Variants in SYTL3 observed in about 807,000 individuals in gnomAD.
The protein encoded by SYTL3 is synaptotagmin like 3, also known as synaptotagmin-like protein 3.
SYTL3 carries 88 observed loss-of-function variants against 82.1 expected under a neutral mutation model. The ratio of observed to expected loss-of-function variants is 1.07; its 90% CI spans 0.90 to 1.28. SYTL3 has a LOEUF of 1.28. SYTL3 is among the 50% of genes most tolerant of loss of function. The probability of loss-of-function intolerance (pLI) is 0.00; values close to 1 mark genes in which losing one functional copy is unlikely to be tolerated. For synonymous variants in SYTL3, 311 were observed against 289.4 expected (o/e 1.07, Z -0.76); for missense variants, 831 against 757.6 (o/e 1.10, Z -1.14).
intron 10 of SYTL3, among the ~76,000 whole-genome samples, chr6:158,719,359 G>A (rs1456136770): frequency 1.3e-5 from 2 of 152,168 alleles, no homozygotes; most frequent in African/African-American, 2.4e-5. Flanking sequence ...GAACTCTGAG[G>A]CAGTGATTCC....
intron 5 of SYTL3, among the ~76,000 whole-genome samples, chr6:158,674,409 T>A (rs1353175615): frequency 6.6e-6 from 1 of 152,218 alleles, no homozygotes; most frequent in East Asian, 1.9e-4. Flanking sequence ...GACTGCTTTC[T>A]GAAAGTTCCC....
At chr6:158,679,272 A>G (rs889139181) in intron 5 of SYTL3, among the ~76,000 whole-genome samples, 1 of 152,034 alleles carries the variant, frequency 6.6e-6, no homozygotes, top group Non-Finnish European at 1.5e-5. Flanking sequence ...TGGGAGGTTG[A>G]GGAGGGAGGA....
At chr6:158,673,585 G>A (rs1038446449) in intron 5 of SYTL3, among the ~76,000 whole-genome samples, 13 of 151,400 alleles carry the variant, frequency 8.6e-5, no homozygotes, top group East Asian at 4.0e-4. Context: ...GACTACAGGC[G>A]CTGGCCACCA....
chr6:158,740,966 C>T (rs888705561), intron 11 of SYTL3, among the ~76,000 whole-genome samples: 1 of 152,198 alleles, frequency 6.6e-6, no homozygotes, highest in Admixed American at 6.5e-5. Context: ...TTTCCCTGCA[C>T]AAAGTTCTCA....
At chr6:158,747,453 C>G (rs1787812504) in intron 12 of SYTL3, among the ~76,000 whole-genome samples, 2 of 152,116 alleles carry the variant, frequency 1.3e-5, no homozygotes, top group Admixed American at 1.3e-4. Flanking sequence ...CCTCAAAGTC[C>G]TAGTAGGCTC....
At chr6:158,752,072 C>A in intron 13 of SYTL3, 42 bp downstream of exon 13, 1 of 1,469,740 alleles carries the variant, frequency 6.8e-7, no homozygotes, top group Non-Finnish European at 9.1e-7. Context: ...TCCTCCCGAG[C>A]CCGGGTGGAG....
chr6:158,747,367 T>C, intron 12 of SYTL3, among the ~76,000 whole-genome samples: 1 of 152,176 alleles, frequency 6.6e-6, no homozygotes. Flanking sequence ...AAAATTAATT[T>C]TTTTTTAAGA....
At position 158,745,505 on chromosome 6, in the gene SYTL3, C is replaced by T; in HGVS notation, c.881C>T (p.Thr294Ile). 1 of 1,611,946 alleles carries T rather than the reference C, an allele frequency of 6.2e-7. No homozygotes were observed. Among genetic ancestry groups the T allele is most frequent in the Non-Finnish European group, 8.5e-7 (1 of 1,179,490 alleles). Residue 294 changes from threonine (T) to isoleucine (I), a missense_variant, in exon 12 of 18, where the codon ACC becomes ATC. Physicochemically the swap from Thr to Ile is moderately conservative, Grantham distance 89. Coordinates refer to ENST00000611299, the MANE Select transcript of SYTL3 (RefSeq NM_001242394.2). ...RHGSLISIDSTCTEMGNFDNA... is the reference protein window; with the variant it reads ...RHGSLISIDSICTEMGNFDNA... The stretch of plus-strand genomic sequence containing the variant: ...GGAAGTTTAATTAGCATTGACAGCA[C>T]CTGTACAGAGATGGGCAATTTTGAC...
At chr6:158,682,863 G>A in intron 5 of SYTL3, 62 bp from the exon 6 acceptor site, 1 of 1,291,012 alleles carries the variant, frequency 7.7e-7, no homozygotes. Context: ...CCTTAAAAGG[G>A]GTAAATATAG....
intron 6 of SYTL3, among the ~76,000 whole-genome samples, chr6:158,704,665 C>A (rs1165520707): frequency 6.6e-6 from 1 of 152,244 alleles, no homozygotes; most frequent in Non-Finnish European, 1.5e-5. Flanking sequence ...TGGGGCACCC[C>A]GGAAGCCACG....
chr6:158,677,705 CAAAAA>C (rs56865775), intron 5 of SYTL3, among the ~76,000 whole-genome samples: 11 of 68,118 alleles, frequency 1.6e-4, no homozygotes, highest in African/African-American at 3.0e-4. Context: ...AACTCTGTCT[CAAAAA>C]AAAAAAAAAA....
At chr6:158,685,882 G>A (rs563038548) in intron 6 of SYTL3, among the ~76,000 whole-genome samples, 33 of 152,296 alleles carry the variant, frequency 2.2e-4, no homozygotes, top group Non-Finnish European at 4.6e-4. Flanking sequence ...TCTTCAGAAG[G>A]TAGACTCTAC....
At chr6:158,750,366 T>C (rs1562460404) in intron 12 of SYTL3, among the ~76,000 whole-genome samples, 1 of 152,176 alleles carries the variant, frequency 6.6e-6, no homozygotes, top group African/African-American at 2.4e-5. Context: ...CAGGGGTACA[T>C]GGGTGTGCAC....
chr6:158,697,323 G>A (rs1780665644), intron 6 of SYTL3, among the ~76,000 whole-genome samples: 1 of 149,154 alleles, frequency 6.7e-6, no homozygotes, highest in South Asian at 2.1e-4. Flanking sequence ...GGTGGTCCAC[G>A]CCTGTGGTCC....
At chr6:158,667,384 C>CATT (rs1389703574) in intron 5 of SYTL3, among the ~76,000 whole-genome samples, 11 of 152,124 alleles carry the variant, frequency 7.2e-5, no homozygotes, top group Admixed American at 2.0e-4. Context: ...ACTATGAGTG[C>CATT]ATTAACAGGA....
In SYTL3 at chr6:158,762,102, C is replaced by G. The variant is rs1443266535; in HGVS notation, c.1441C>G (p.Gln481Glu). Residue 481 changes from glutamine (Q) to glutamate (E), a missense_variant, in exon 16 of 18, where the codon CAA becomes GAA. By Grantham distance (29) the Gln-to-Glu change is conservative. Transcript: ENST00000611299. ...EGTDQPSLHGQLCLVVLGAKN... is the reference protein window; with the variant it reads ...EGTDQPSLHGELCLVVLGAKN... ...GACAGATCAGCCATCACTTCATGGT[C>G]AACTTTGTTTGGTAGTGCTAGGAGC... 10 of 1,613,866 alleles carry G rather than the reference C, an allele frequency of 6.2e-6. No individual in the cohort carries two copies. Among genetic ancestry groups the G allele is most frequent in the East Asian group, 4.5e-5 (2 of 44,896 alleles).
intron 6 of SYTL3, 94 bp from the exon 7 acceptor site, chr6:158,707,136 C>T: frequency 7.9e-7 from 1 of 1,258,210 alleles, no homozygotes; most frequent in Non-Finnish European, 1.1e-6. Context: ...AGAAATGATA[C>T]TAGAGAAAAT....
chr6:158,724,209 C>T (rs1478687617), intron 10 of SYTL3, among the ~76,000 whole-genome samples: 2 of 152,224 alleles, frequency 1.3e-5, no homozygotes, highest in African/African-American at 4.8e-5. Flanking sequence ...TTCTCTCTTC[C>T]TCCCCTTCTA....
intron 11 of SYTL3, among the ~76,000 whole-genome samples, chr6:158,737,413 T>G (rs571910300): frequency 6.6e-6 from 1 of 152,228 alleles, no homozygotes; most frequent in East Asian, 1.9e-4. Context: ...GTGGCTTCAG[T>G]TGACTCTGAG....
Sources: gnomAD v4.1 joint callset for allele counts (sites outside exome capture counted in the v4.1 genomes callset) on GRCh38, gnomAD v4.1.1 for gene constraint, MANE v1.5 for transcripts, NCBI Gene and HGNC (gene_info 2026-07-23, HGNC 2026-07-21) for gene names.